Variants in METTL25 observed in about 807,000 individuals in gnomAD.
METTL25 encodes methyltransferase like 25, also known as probable methyltransferase-like protein 25.
A neutral mutation model predicts 71.6 loss-of-function variants in METTL25; 64 were observed. The ratio of observed to expected loss-of-function variants is 0.89; its 90% CI spans 0.73 to 1.10. The LOEUF is 1.10. Ranked by LOEUF, METTL25 falls within the 50% of genes least tolerant of loss-of-function variation. The pLI is 0.00. For synonymous variants in METTL25, 287 were observed against 250.3 expected (o/e 1.15, Z -1.38); for missense variants, 807 against 707.0 (o/e 1.14, Z -1.60).
At chr12:82,453,801 T>C (rs1248060582) in intron 8 of METTL25, among the ~76,000 whole-genome samples, 1 of 152,150 alleles carries the variant, frequency 6.6e-6, no homozygotes, top group Non-Finnish European at 1.5e-5. Flanking sequence ...GATGTATTTG[T>C]TTCTGCTAGC....
intron 1 of METTL25, among the ~76,000 whole-genome samples, chr12:82,378,960 A>T (rs1592609227): frequency 6.6e-6 from 1 of 152,182 alleles, no homozygotes; most frequent in African/African-American, 2.4e-5. Context: ...TGAGCCCTGG[A>T]GATCAAGGTT....
chr12:82,439,408 G>A (rs1467509892), intron 8 of METTL25, among the ~76,000 whole-genome samples: 3 of 151,744 alleles, frequency 2.0e-5, no homozygotes, highest in African/African-American at 4.8e-5. Flanking sequence ...CTTTATGAAT[G>A]TTCTCTTGCT....
At chr12:82,435,191 T>A (rs1364707107) in intron 7 of METTL25, among the ~76,000 whole-genome samples, 1 of 151,410 alleles carries the variant, frequency 6.6e-6, no homozygotes, top group East Asian at 1.9e-4. Flanking sequence ...TTAAATATAA[T>A]CCCCCAAATA....
intron 1 of METTL25, among the ~76,000 whole-genome samples, chr12:82,383,238 G>A (rs141656699): frequency 2.3e-3 from 347 of 151,936 alleles, no homozygotes; most frequent in African/African-American, 8.0e-3. Flanking sequence ...GCAGTGGCGC[G>A]TTCTCGGCTC....
chr12:82,451,712 G>T (rs904990371), intron 8 of METTL25, among the ~76,000 whole-genome samples: 3 of 151,926 alleles, frequency 2.0e-5, no homozygotes, highest in Non-Finnish European at 4.4e-5. Flanking sequence ...GGTCTCATTT[G>T]GGATTTAAGT....
At chr12:82,401,283 A>G (rs1044667953) in intron 4 of METTL25, among the ~76,000 whole-genome samples, 2 of 152,112 alleles carry the variant, frequency 1.3e-5, no homozygotes, top group Admixed American at 6.6e-5. Flanking sequence ...ATATGCTGAC[A>G]ATAGTTATAA....
At chr12:82,383,383 C>T (rs1485634677) in intron 1 of METTL25, among the ~76,000 whole-genome samples, 1 of 151,978 alleles carries the variant, frequency 6.6e-6, no homozygotes, top group Non-Finnish European at 1.5e-5. Flanking sequence ...CTGTGGCATG[C>T]TAATGGAATG....
intron 3 of METTL25, among the ~76,000 whole-genome samples, chr12:82,395,005 G>C (rs1006383402): frequency 4.0e-5 from 6 of 151,856 alleles, no homozygotes; most frequent in Non-Finnish European, 7.4e-5. Flanking sequence ...TGTGGTGGAA[G>C]AAGACAGGAC....
intron 5 of METTL25, among the ~76,000 whole-genome samples, chr12:82,411,439 A>G (rs1184323902): frequency 6.6e-6 from 1 of 152,042 alleles, no homozygotes; most frequent in Non-Finnish European, 1.5e-5. Context: ...TTTGGGGCAA[A>G]GTTGGAACAT....
chr12:82,469,615 A>G (rs1024590785), intron 9 of METTL25, among the ~76,000 whole-genome samples: 1 of 151,922 alleles, frequency 6.6e-6, no homozygotes, highest in Admixed American at 6.5e-5. Flanking sequence ...TCAAGATGAG[A>G]TTTGGGTGGG....
chr12:82,398,464 A>G (rs918873473), intron 3 of METTL25, among the ~76,000 whole-genome samples: 2 of 152,054 alleles, frequency 1.3e-5, no homozygotes, highest in African/African-American at 4.8e-5. Context: ...ACACATTGCT[A>G]AATTCACTTA....
chr12:82,425,902 C>T (rs577358444), intron 5 of METTL25, among the ~76,000 whole-genome samples: 1 of 152,086 alleles, frequency 6.6e-6, no homozygotes, highest in South Asian at 2.1e-4. Flanking sequence ...GATTCTAAAG[C>T]TTGCAAGAAA....
intron 8 of METTL25, 98 bp downstream of exon 8, chr12:82,438,889 T>TAGA (rs541472485): frequency 5.4e-4 from 615 of 1,130,068 alleles, no homozygotes; most frequent in Admixed American, 1.9e-3. Context: ...CTGTTATTAG[T>TAGA]AGAAGCAACT....
chr12:82,429,227 G>A (rs1889285689), intron 5 of METTL25, among the ~76,000 whole-genome samples: 1 of 151,618 alleles, frequency 6.6e-6, no homozygotes, highest in East Asian at 1.9e-4. Context: ...CCAGCCTCAA[G>A]TAACTGTCAT....
At chr12:82,450,422 G>A (rs575351513) in intron 8 of METTL25, among the ~76,000 whole-genome samples, 9 of 151,552 alleles carry the variant, frequency 5.9e-5, no homozygotes, top group Admixed American at 2.0e-4. Context: ...ACTTTTCACC[G>A]TCCTCAGGAC....
rs1256334457 is a variant in METTL25 at position 82,398,880 on chromosome 12, CA to C, written c.620del (p.Asn207IlefsTer14). ...TTAAAAGTTTATGGAATTGATTCTT[CA>C]AATACCAATACTCATGGAGCTGAGG... ...YGLKVYGIDSSNTNTHGAEER... is the reference protein window; with the variant it reads ...YGLKVYGIDSXNTNTHGAEER... On this transcript the variant is annotated frameshift_variant, in exon 4 of 12. Coordinates refer to ENST00000248306, the MANE Select transcript of METTL25 (RefSeq NM_032230.3). LOFTEE classifies it high-confidence loss of function. The C allele has an allele frequency of 6.2e-7, 1 of 1,605,942 alleles. No homozygotes were observed. Among genetic ancestry groups the C allele is most frequent in the African/African-American group, 1.3e-5 (1 of 74,240 alleles).
intron 5 of METTL25, among the ~76,000 whole-genome samples, chr12:82,410,739 G>C (rs1887497691): frequency 6.6e-6 from 1 of 152,052 alleles, no homozygotes; most frequent in South Asian, 2.1e-4. Context: ...GAGCCATAAA[G>C]TGATAGATAG....
chr12:82,456,521 A>G (rs1425470114), intron 8 of METTL25, among the ~76,000 whole-genome samples: 1 of 151,994 alleles, frequency 6.6e-6, no homozygotes, highest in East Asian at 1.9e-4. Context: ...TCACTGCTAT[A>G]TGTTATAAGA....
At chr12:82,368,457 C>G (rs1882822416) in intron 1 of METTL25, among the ~76,000 whole-genome samples, 1 of 152,148 alleles carries the variant, frequency 6.6e-6, no homozygotes, top group Non-Finnish European at 1.5e-5. Context: ...GTGTGGCAGA[C>G]AGCTTTCTTT....
Sources: gnomAD v4.1 joint callset for allele counts (sites outside exome capture counted in the v4.1 genomes callset) on GRCh38, gnomAD v4.1.1 for gene constraint, MANE v1.5 for transcripts, NCBI Gene and HGNC (gene_info 2026-07-23, HGNC 2026-07-21) for gene names.